The following DENND2B variants were observed in gnomAD, a reference collection of about 807,000 sequenced individuals.
DENND2B encodes the protein DENN domain containing 2B, also known as DENN domain-containing protein 2B.
In DENND2B, 32 loss-of-function variants were observed where a neutral mutation model predicts 116.0. The ratio of observed to expected loss-of-function variants is 0.28; its 90% CI spans 0.21 to 0.37. The LOEUF (loss-of-function observed/expected upper bound fraction) is 0.37. DENND2B is among the 10% of genes least tolerant of loss of function. DENND2B has a pLI of 1.00. For synonymous variants in DENND2B, 588 were observed against 583.9 expected, an observed-to-expected ratio of 1.01 and a Z score of -0.10; for missense variants, 1,276 against 1,477.7, an observed-to-expected ratio of 0.86 and a Z score of 2.24.
At chr11:8,843,721 T>C (rs1046744476) in intron 3 of DENND2B, among the ~76,000 whole-genome samples, 1 of 152,208 alleles carries the variant, frequency 6.6e-6, no homozygotes, top group Admixed American at 6.5e-5. Flanking sequence ...ATCACCATCC[T>C]GCTCATGCCA....
At chr11:8,729,236 C>T (rs1201066494) in intron 3 of DENND2B, among the ~76,000 whole-genome samples, 2 of 152,196 alleles carry the variant, frequency 1.3e-5, no homozygotes, top group Non-Finnish European at 2.9e-5. Flanking sequence ...TACCCTGATT[C>T]AGAGAACAAG....
rs537593461 is a variant in DENND2B, at chr11:8,728,532, A to G, written c.1340+1418T>C. Reference sequence around the variant, plus strand: ...CTCCATATATGGTATACGTGTGTATATATTATATATAAATGCAGTGTGGGG... The same window carrying G: ...CTCCATATATGGTATACGTGTGTATGTATTATATATAAATGCAGTGTGGGG... On this transcript the variant is annotated intron_variant, in intron 3 of 19. Coordinates refer to ENST00000313726, the MANE Select transcript of DENND2B (RefSeq NM_213618.2). Among the ~76,000 whole-genome samples the G allele has an allele frequency of 7.9e-5, 12 of 152,268 alleles. No individual in the cohort carries two copies. The South Asian group carries it at 2.1e-3, about 26-fold the overall frequency.
chr11:8,699,538 C>T (rs1229095411), intron 14 of DENND2B, 148 bp from the exon 15 acceptor site: 24 of 743,892 alleles, frequency 3.2e-5, no homozygotes, highest in Non-Finnish European at 2.2e-6. Flanking sequence ...TGGTAAAGTC[C>T]CCGCTTTCCC....
chr11:8,760,136 G>A (rs974621939), intron 1 of DENND2B, among the ~76,000 whole-genome samples: 1 of 152,110 alleles, frequency 6.6e-6, no homozygotes, highest in South Asian at 2.1e-4. Flanking sequence ...ACAGATCGAC[G>A]ACTTGCCTGG....
At chr11:8,773,468 A>G (rs1416599953) in intron 1 of DENND2B, among the ~76,000 whole-genome samples, 1 of 152,236 alleles carries the variant, frequency 6.6e-6, no homozygotes, top group Non-Finnish European at 1.5e-5. Flanking sequence ...CATCAGAGAC[A>G]GAAGAGTATC....
chr11:8,734,353 G>A (rs1463862371), intron 2 of DENND2B, among the ~76,000 whole-genome samples: 9 of 151,878 alleles, frequency 5.9e-5, no homozygotes, highest in Admixed American at 5.9e-4. Flanking sequence ...TGGCTAGCCA[G>A]TCAGTCTCAA....
intron 1 of DENND2B, among the ~76,000 whole-genome samples, chr11:8,898,163 A>G (rs2064125476): frequency 6.6e-6 from 1 of 152,158 alleles, no homozygotes; most frequent in Admixed American, 6.5e-5. Context: ...GTTTAAGTAC[A>G]ATCTCTTCCC....
Position 8,693,791 on chromosome 11 carries a change from C to T in DENND2B, c.*305G>A. ...GAGACAGTCAGCTGCACAAAACTGG[C>T]CAGTCACGAGCACCCAGCGAAACTT... is the stretch of plus-strand genomic sequence containing the variant. On this transcript the variant is annotated 3_prime_UTR_variant, in exon 20 of 20. Coordinates refer to ENST00000313726, the MANE Select transcript of DENND2B (RefSeq NM_213618.2). The T allele has an allele frequency of 3.1e-6, 1 of 326,226 alleles. No homozygotes were observed. The allele number at this position is 326,226 out of a possible 1,614,324, so 20.2% of individuals were successfully genotyped here. A position where few individuals can be genotyped will look rare whatever the true frequency, so the allele number is the denominator to read the frequency against.
chr11:8,853,610 CT>C (rs1722026384), intron 3 of DENND2B, among the ~76,000 whole-genome samples: 2 of 151,942 alleles, frequency 1.3e-5, no homozygotes, highest in Admixed American at 1.3e-4. Flanking sequence ...TGAATATGGT[CT>C]GAGTATTAGT....
Position 8,729,946 on chromosome 11 carries a change from T to A in DENND2B, c.1340+4A>T. 1 of 1,613,718 alleles carries A rather than the reference T, an allele frequency of 6.2e-7. No individual in the cohort carries two copies. The highest frequency in any genetic ancestry group is 1.7e-4 in the Middle Eastern group (1 of 6,050). On this transcript the variant is annotated splice_donor_region_variant and intron_variant, in intron 3 of 19. Coordinates refer to ENST00000313726, the MANE Select transcript of DENND2B (RefSeq NM_213618.2). ...CTACAACACACCGGAGGGGCATGCA[T>A]TACCTGCTCTGGGACTTGCGGTGAC...
intron 4 of DENND2B, among the ~76,000 whole-genome samples, chr11:8,721,501 C>T (rs2046172601): frequency 4.7e-5 from 1 of 21,360 alleles, no homozygotes; most frequent in Admixed American, 1.1e-3. Context: ...CTTCCCTCCC[C>T]AACAACCTCC....
chr11:8,697,444 A>G (rs2040567654), intron 17 of DENND2B, 81 bp downstream of exon 17: 1 of 1,042,856 alleles, frequency 9.6e-7, no homozygotes, highest in Non-Finnish European at 1.5e-6. Context: ...GTGCAGAGGC[A>G]GAGTTCTGGC....
intron 1 of DENND2B, among the ~76,000 whole-genome samples, chr11:8,773,626 T>A (rs1405449196): frequency 6.6e-6 from 1 of 152,134 alleles, no homozygotes. Context: ...CCCAGCCCAG[T>A]CCAGCAGAGC....
chr11:8,707,563 G>A lies in DENND2B; in HGVS notation c.2430+214C>T, dbSNP rs2042823407. ...GTGGGCTGTGACAGGGGCAGACACTGCCAGCACAGGAGCTGGGGAAATGCC... is the reference window on the plus strand; with the variant it reads ...GTGGGCTGTGACAGGGGCAGACACTACCAGCACAGGAGCTGGGGAAATGCC... On this transcript the variant is annotated intron_variant, in intron 12 of 19. Coordinates refer to ENST00000313726, the MANE Select transcript of DENND2B (RefSeq NM_213618.2). The surrounding 1 kb of genome is among the most constrained non-coding windows in gnomAD (Gnocchi z 4.8). Among the ~76,000 whole-genome samples the A allele has an allele frequency of 6.6e-6, 1 of 152,252 alleles. No homozygotes were observed. The highest frequency in any genetic ancestry group is 2.4e-5 in the African/African-American group (1 of 41,470).
At chr11:8,829,542 G>A (rs1366232322) in intron 4 of DENND2B, among the ~76,000 whole-genome samples, 1 of 152,102 alleles carries the variant, frequency 6.6e-6, no homozygotes, top group Non-Finnish European at 1.5e-5. Flanking sequence ...CTTCTCTGTG[G>A]TTCTCAAAAA....
intron 1 of DENND2B, among the ~76,000 whole-genome samples, chr11:8,770,100 A>C (rs1444611818): frequency 2.6e-5 from 4 of 152,248 alleles, no homozygotes; most frequent in Admixed American, 1.3e-4. Context: ...ACTGTGGCCC[A>C]TGCTCAGAGC....
intron 2 of DENND2B, among the ~76,000 whole-genome samples, chr11:8,863,280 C>T (rs1692416244): frequency 1.5e-5 from 2 of 136,788 alleles, no homozygotes; most frequent in South Asian, 2.6e-4. Context: ...TTTTTGAGAC[C>T]GAGTCTTGCT....
intron 1 of DENND2B, among the ~76,000 whole-genome samples, chr11:8,899,084 C>G (rs1354472063): frequency 6.6e-6 from 1 of 151,820 alleles, no homozygotes; most frequent in Non-Finnish European, 1.5e-5. Context: ...ACTAGAGGGG[C>G]TCAAGAGCAA....
chr11:8,742,457 T>C (rs1268124572), intron 2 of DENND2B, among the ~76,000 whole-genome samples: 1 of 151,446 alleles, frequency 6.6e-6, no homozygotes, highest in Non-Finnish European at 1.5e-5. Context: ...TAAAGGAGAG[T>C]AAGGAAATGC....
Sources: allele counts gnomAD v4.1 joint callset (sites outside exome capture counted in the v4.1 genomes callset), GRCh38; gene constraint gnomAD v4.1.1; non-coding constraint Gnocchi (gnomAD v3.1); transcripts MANE v1.5; gene names NCBI Gene and HGNC (gene_info 2026-07-23, HGNC 2026-07-21).